The following ROBO2 variants were observed in gnomAD, a reference collection of about 807,000 sequenced individuals.
The protein encoded by ROBO2 is roundabout guidance receptor 2.
A neutral mutation model predicts 160.8 loss-of-function variants in ROBO2; 53 were observed. The ratio of observed to expected loss-of-function variants is 0.33; its 90% CI spans 0.26 to 0.41. The LOEUF is 0.41. Among genes scored for constraint, ROBO2 ranks in the 10% least tolerant of loss-of-function variants. The probability of loss-of-function intolerance (pLI) is 1.00; values close to 1 mark genes in which losing one functional copy is unlikely to be tolerated. For synonymous variants in ROBO2, 664 were observed against 611.7 expected, an observed-to-expected ratio of 1.09 and a Z score of -1.26; for missense variants, 1,577 against 1,722.4, an observed-to-expected ratio of 0.92 and a Z score of 1.49.
chr3:76,285,341 T>C (rs559945513), intron 2 of ROBO2, among the ~76,000 whole-genome samples: 1 of 152,224 alleles, frequency 6.6e-6, no homozygotes, highest in South Asian at 2.1e-4. Flanking sequence ...TCAGTAACAA[T>C]GATGGTACTC....
At chr3:76,685,318 T>C (rs896595136) in intron 2 of ROBO2, among the ~76,000 whole-genome samples, 1 of 151,834 alleles carries the variant, frequency 6.6e-6, no homozygotes, top group Non-Finnish European at 1.5e-5. Flanking sequence ...CTACGGGATA[T>C]CCTGTTCTTT....
chr3:76,750,728 C>A (rs74348302), intron 2 of ROBO2, among the ~76,000 whole-genome samples: 26,364 of 151,940 alleles, frequency 0.17, 2,532 homozygotes, highest in Non-Finnish European at 0.22. Context: ...CCTAGGAATC[C>A]AACTTACAAG....
Position 77,558,244 on chromosome 3 carries a change from G to A in ROBO2, c.1437+95G>A, listed in dbSNP as rs573022313. 449 of 969,334 alleles carry A rather than the reference G, an allele frequency of 4.6e-4. 2 individuals carry two copies. The highest frequency in any genetic ancestry group is 2.8e-4 in the Non-Finnish European group (169 of 603,482). The allele number at this position is 969,334 out of a possible 1,614,324, so 60.0% of individuals were successfully genotyped here. A position where few individuals can be genotyped will look rare whatever the true frequency, so the allele number is the denominator to read the frequency against. Reference sequence around the variant, plus strand: ...AGTGAACTTAAAATCTTACATCCTAGTATAATTGCTGCACGTTTAAAAACA... The same window carrying A: ...AGTGAACTTAAAATCTTACATCCTAATATAATTGCTGCACGTTTAAAAACA... On this transcript the variant is annotated intron_variant, in intron 9 of 25. Coordinates refer to ENST00000461745, the Ensembl canonical transcript of ROBO2.
chr3:77,529,286 A>G (rs1404443377), intron 6 of ROBO2, among the ~76,000 whole-genome samples: 3 of 151,638 alleles, frequency 2.0e-5, no homozygotes, highest in Admixed American at 6.6e-5. Context: ...AACCTTATTT[A>G]GAAGTTTTTT....
chr3:76,504,826 C>A (rs552057096), intron 2 of ROBO2, among the ~76,000 whole-genome samples: 42 of 152,176 alleles, frequency 2.8e-4, no homozygotes, highest in African/African-American at 1.0e-3. Flanking sequence ...CCGCACCCAG[C>A]CGAAAATATT....
chr3:75,970,015 C>T (rs946615844), intron 2 of ROBO2, among the ~76,000 whole-genome samples: 1 of 151,434 alleles, frequency 6.6e-6, no homozygotes, highest in Admixed American at 6.6e-5. Context: ...TTTATAGTTT[C>T]AGGTCTTACA....
chr3:76,371,423 C>T lies in ROBO2; in HGVS notation c.109+433821C>T, dbSNP rs538564412. Among the ~76,000 whole-genome samples the T allele has an allele frequency of 2.6e-5, 4 of 151,900 alleles. 1 individual carries two copies. The highest frequency in any genetic ancestry group is 9.6e-5 in the African/African-American group (4 of 41,486). On this transcript the variant is annotated intron_variant, in intron 2 of 26. Transcript: ENST00000487694. ...ATGTGAGAAAAAGCAAAACAAGAAA[C>T]TTAAAGATTAGCTGCATATCAAATG...
chr3:76,390,468 T>C (rs2077096131), intron 2 of ROBO2, among the ~76,000 whole-genome samples: 1 of 152,174 alleles, frequency 6.6e-6, no homozygotes, highest in Non-Finnish European at 1.5e-5. Context: ...GAGATTCTTT[T>C]TAGATGATAT....
intron 2 of ROBO2, among the ~76,000 whole-genome samples, chr3:76,325,830 C>T (rs1263856423): frequency 6.6e-6 from 1 of 151,994 alleles, no homozygotes; most frequent in Non-Finnish European, 1.5e-5. Context: ...ATACCTGTTC[C>T]TTGTACAAAA....
chr3:76,984,884 A>C (rs2060288854), intron 2 of ROBO2, among the ~76,000 whole-genome samples: 1 of 152,148 alleles, frequency 6.6e-6, no homozygotes, highest in South Asian at 2.1e-4. Flanking sequence ...TCAATGATAC[A>C]CAAAAATATA....
intron 2 of ROBO2, among the ~76,000 whole-genome samples, chr3:77,028,832 A>G (rs9842627): frequency 0.012 from 1,845 of 152,294 alleles, 50 homozygotes; most frequent in African/African-American, 0.042. Context: ...ATAGCTGAAT[A>G]TTTGTGACAT....
chr3:76,930,239 T>C (rs1000162074), intron 2 of ROBO2, among the ~76,000 whole-genome samples: 4 of 152,072 alleles, frequency 2.6e-5, no homozygotes, highest in Non-Finnish European at 4.4e-5. Context: ...ACTCCTGGCC[T>C]CAAGTGATCT....
intron 2 of ROBO2, among the ~76,000 whole-genome samples, chr3:76,437,221 G>T (rs904395653): frequency 1.3e-5 from 2 of 152,136 alleles, no homozygotes; most frequent in Admixed American, 6.6e-5. Flanking sequence ...GCTAGAATTT[G>T]GTATTTTAAG....
chr3:76,448,438 G>A (rs1430945458), intron 2 of ROBO2, among the ~76,000 whole-genome samples: 2 of 152,098 alleles, frequency 1.3e-5, no homozygotes, highest in East Asian at 3.9e-4. Context: ...ACCAAGGCCA[G>A]TTCACCAAGG....
intron 5 of ROBO2, among the ~76,000 whole-genome samples, chr3:77,497,828 T>C (rs1274788301): frequency 6.6e-6 from 1 of 152,114 alleles, no homozygotes; most frequent in Non-Finnish European, 1.5e-5. Context: ...TATATTTATG[T>C]GCTAAAGCTC....
chr3:77,051,144 C>T (rs546419495), intron 1 of ROBO2, among the ~76,000 whole-genome samples: 2 of 152,294 alleles, frequency 1.3e-5, no homozygotes, highest in South Asian at 4.1e-4. Flanking sequence ...TTATTCCTCA[C>T]TGGCTATCAT....
chr3:76,071,716 A>G (rs1393433109), intron 2 of ROBO2, among the ~76,000 whole-genome samples: 1 of 152,100 alleles, frequency 6.6e-6, no homozygotes, highest in African/African-American at 2.4e-5. Flanking sequence ...CACTAAGAGA[A>G]TTGGAAAACA....
intron 2 of ROBO2, among the ~76,000 whole-genome samples, chr3:76,231,836 A>C (rs1387189084): frequency 6.6e-6 from 1 of 152,232 alleles, no homozygotes; most frequent in Non-Finnish European, 1.5e-5. Flanking sequence ...TCAGGCAGCA[A>C]CACGTAGAAA....
At chr3:76,696,626 T>G (rs1271526316) in intron 2 of ROBO2, among the ~76,000 whole-genome samples, 1 of 152,234 alleles carries the variant, frequency 6.6e-6, no homozygotes, top group Non-Finnish European at 1.5e-5. Flanking sequence ...AACTTGTCAC[T>G]CTGTATCTCT....
Sources: allele counts gnomAD v4.1 joint callset (sites outside exome capture counted in the v4.1 genomes callset), GRCh38; gene constraint gnomAD v4.1.1; transcripts MANE v1.5; gene names NCBI Gene and HGNC (gene_info 2026-07-23, HGNC 2026-07-21).